COBLL1: variants seen among roughly 807,000 people sequenced by gnomAD.
COBLL1 encodes the protein cordon-bleu protein-like 1.
A neutral mutation model predicts 94.8 loss-of-function variants in COBLL1; 50 were observed. The observed-to-expected ratio is 0.53, with a 90% CI of 0.42 to 0.67. COBLL1 has a LOEUF of 0.67. Among genes scored for constraint, COBLL1 ranks in the 30% least tolerant of loss-of-function variants. COBLL1 has a pLI of 0.00. For synonymous variants in COBLL1, 448 were observed against 473.8 expected (o/e 0.95, Z 0.71); for missense variants, 1,362 against 1,348.7 (o/e 1.01, Z -0.15).
At chr2:164,750,071 C>T (rs1687053176) in intron 2 of COBLL1, among the ~76,000 whole-genome samples, 1 of 152,206 alleles carries the variant, frequency 6.6e-6, no homozygotes, top group Admixed American at 6.5e-5. Flanking sequence ...TTTCTACAAC[C>T]TCCACCTCCA....
At chr2:164,702,615 A>G (rs1220621881) in intron 9 of COBLL1, among the ~76,000 whole-genome samples, 1 of 151,556 alleles carries the variant, frequency 6.6e-6, no homozygotes, top group Non-Finnish European at 1.5e-5. Flanking sequence ...GTATTGAAAA[A>G]AAATGAAAGG....
chr2:164,803,255 A>G (rs1683903191), intron 2 of COBLL1, among the ~76,000 whole-genome samples: 1 of 152,170 alleles, frequency 6.6e-6, no homozygotes, highest in South Asian at 2.1e-4. Context: ...TAAAAGCGTT[A>G]ATCATACAAG....
chr2:164,662,456 G>A (rs544602854), intron 2 of COBLL1, among the ~76,000 whole-genome samples: 1 of 152,138 alleles, frequency 6.6e-6, no homozygotes, highest in African/African-American at 2.4e-5. Context: ...AAACCTACAA[G>A]TACTCCCTGT....
At chr2:164,708,366 G>C (rs1177250062) in intron 7 of COBLL1, among the ~76,000 whole-genome samples, 1 of 152,196 alleles carries the variant, frequency 6.6e-6, no homozygotes, top group Non-Finnish European at 1.5e-5. Flanking sequence ...AGGCATGGGG[G>C]TGGATTCTCA....
chr2:164,685,978 A>G lies in COBLL1; in HGVS notation c.3355T>C (p.Ser1119Pro). The change falls in exon 14 of 14, where the codon TCC (serine) becomes CCC (proline). Residue 1119 changes from serine (S) to proline (P), a missense_variant. Coordinates refer to ENST00000652658, the MANE Select transcript of COBLL1 (RefSeq NM_001365672.2). ...SVNGRSRLSH[S>P]MSPDAQDGH ...CCGTCCTGGGCATCAGGGGACATGG[A>G]ATGGCTGAGTCTTGACCTTCCATTC... 6.2e-7 allele frequency: 1 copy of G among 1,610,588 alleles called. No individual in the cohort carries two copies. The highest frequency in any genetic ancestry group is 1.7e-5 in the Admixed American group (1 of 59,708).
intron 11 of COBLL1, chr2:164,696,653 GA>G (rs1683961727): frequency 6.6e-6 from 1 of 152,096 alleles, no homozygotes; most frequent in African/African-American, 2.4e-5. Context: ...CAGACCTCCT[GA>G]AAACAAAACT....
intron 2 of COBLL1, among the ~76,000 whole-genome samples, chr2:164,745,696 G>A (rs184407456): frequency 9.9e-5 from 15 of 152,274 alleles, no homozygotes; most frequent in Non-Finnish European, 5.9e-5. Context: ...ATCCAGAAAT[G>A]TCTTACAGAT....
intron 2 of COBLL1, among the ~76,000 whole-genome samples, chr2:164,783,484 G>T (rs1288995956): frequency 1.3e-5 from 2 of 152,100 alleles, no homozygotes; most frequent in Non-Finnish European, 2.9e-5. Context: ...CTCTCAAGTT[G>T]TGGGCTGTGG....
At chr2:164,837,563 T>G (rs1363994162) in intron 2 of COBLL1, 1 of 433,182 alleles carries the variant, frequency 2.3e-6, no homozygotes, top group African/African-American at 2.1e-5. Context: ...TAAAAATGAT[T>G]TATCATTTTT....
chr2:164,697,796 A>C (rs1386289835), intron 11 of COBLL1: 1 of 152,066 alleles, frequency 6.6e-6, no homozygotes, highest in Non-Finnish European at 1.5e-5. Flanking sequence ...GGAAACCCAG[A>C]ATCCATCCTC....
intron 2 of COBLL1, among the ~76,000 whole-genome samples, chr2:164,757,587 T>C (rs1007585431): frequency 1.3e-5 from 2 of 152,126 alleles, no homozygotes; most frequent in Non-Finnish European, 2.9e-5. Flanking sequence ...CTGTCTGGGT[T>C]TCTCTCTCAA....
chr2:164,836,450 G>A (rs1683323711), intron 2 of COBLL1, among the ~76,000 whole-genome samples: 1 of 152,038 alleles, frequency 6.6e-6, no homozygotes, highest in South Asian at 2.1e-4. Flanking sequence ...ATCATTTTTA[G>A]CCATTCAGTA....
At chr2:164,839,593 G>T (rs190640107) in intron 2 of COBLL1, among the ~76,000 whole-genome samples, 1 of 152,308 alleles carries the variant, frequency 6.6e-6, no homozygotes, top group Non-Finnish European at 1.5e-5. Context: ...TTTTGTGAAA[G>T]CAGGTATGTT....
chr2:164,739,390 C>G (rs1686481191), intron 3 of COBLL1, among the ~76,000 whole-genome samples: 1 of 152,180 alleles, frequency 6.6e-6, no homozygotes, highest in Non-Finnish European at 1.5e-5. Context: ...CTGAGCCCAC[C>G]TGTGCATGAG....
chr2:164,672,901 C>A (rs944455739), intron 1 of COBLL1, among the ~76,000 whole-genome samples: 34 of 152,154 alleles, frequency 2.2e-4, no homozygotes, highest in African/African-American at 8.2e-4. Context: ...ATTGGTACAT[C>A]CCCAGGCCCA....
chr2:164,661,716 T>C (rs914612022), intron 2 of COBLL1, among the ~76,000 whole-genome samples: 5 of 152,156 alleles, frequency 3.3e-5, no homozygotes, highest in Non-Finnish European at 7.4e-5. Flanking sequence ...GTTTTCAAAA[T>C]GTCATAATCT....
In COBLL1 at chr2:164,695,136, G is replaced by C; in HGVS notation, c.2256C>G (p.Thr752=). 6.2e-7 allele frequency: 1 copy of C among 1,613,822 alleles called. No homozygotes were observed. ...LEISKDWQSE[T]IEYKDDQDMH... ...TGTCCTGATCATCTTTATACTCTAT[G>C]GTTTCTGATTGCCAGTCTTTCGATA... is the stretch of plus-strand genomic sequence containing the variant. The change falls in exon 12 of 14, where the codon ACC becomes ACG. Residue 752 remains threonine, a synonymous_variant. Transcript: ENST00000652658.
Position 164,682,253 on chromosome 2 carries a change from G to C in COBLL1, c.*3693C>G, listed in dbSNP as rs538774224. The C allele has an allele frequency of 1.3e-5, 2 of 152,210 alleles. No individual in the cohort carries two copies. The highest frequency in any genetic ancestry group is 6.5e-5 in the Admixed American group (1 of 15,270). 9.4% of individuals were successfully genotyped at this position (152,210 alleles called of 1,614,324 possible). ...AGATATTTTTACATCTAAAACCTCA[G>C]AAATCACTTTGACCCTGGAAATCTT... On this transcript the variant is annotated 3_prime_UTR_variant, in exon 14 of 14. Coordinates refer to ENST00000652658, the MANE Select transcript of COBLL1 (RefSeq NM_001365672.2).
At chr2:164,812,196 C>T (rs1032842604) in intron 2 of COBLL1, among the ~76,000 whole-genome samples, 24 of 151,854 alleles carry the variant, frequency 1.6e-4, no homozygotes, top group African/African-American at 3.9e-4. Context: ...GTATTATGTA[C>T]GAAACTAGGT....
Sources: allele counts gnomAD v4.1 joint callset (sites outside exome capture counted in the v4.1 genomes callset), GRCh38; gene constraint gnomAD v4.1.1; transcripts MANE v1.5; gene names NCBI Gene and HGNC (gene_info 2026-07-23, HGNC 2026-07-21).